MAP4K5: variants seen among roughly 807,000 people sequenced by gnomAD.
The protein encoded by MAP4K5 is MAPK/ERK kinase kinase kinase 5.
A neutral mutation model predicts 135.6 loss-of-function variants in MAP4K5; 82 were observed. The observed-to-expected ratio is 0.60, with a 90% CI of 0.51 to 0.73. The LOEUF (loss-of-function observed/expected upper bound fraction) is 0.73, where lower values mean the gene tolerates loss of function less well. Among genes scored for constraint, MAP4K5 ranks in the 30% least tolerant of loss-of-function variants. The pLI is 0.00. For missense variants in MAP4K5, 907 were observed against 1,010.9 expected (o/e 0.90, Z 1.39); for synonymous variants, 347 against 335.0 (o/e 1.04, Z -0.39).
At chr14:50,482,280 G>T in intron 6 of MAP4K5, 81 bp downstream of exon 6, 1 of 723,026 alleles carries the variant, frequency 1.4e-6, no homozygotes, top group Non-Finnish European at 2.2e-6. Flanking sequence ...GTTATCAATT[G>T]TCAGGCAATT....
chr14:50,542,002 G>A (rs1232978189), intron 2 of MAP4K5, among the ~76,000 whole-genome samples: 4 of 75,758 alleles, frequency 5.3e-5, no homozygotes, highest in Non-Finnish European at 8.9e-5. Context: ...GCGAGATTCC[G>A]TCTCAAAAAA....
chr14:50,460,904 G>A lies in MAP4K5; in HGVS notation c.936+1761C>T, dbSNP rs553011736. On this transcript the variant is annotated intron_variant, in intron 13 of 32. Transcript: ENST00000682126. Reference sequence around the variant, plus strand: ...AAATTACTTTCATTTTTTGTCCCTCGTTTCCTCATTTATAAAACAGTATAA... The same window carrying A: ...AAATTACTTTCATTTTTTGTCCCTCATTTCCTCATTTATAAAACAGTATAA... Among the ~76,000 whole-genome samples the A allele has an allele frequency of 4.6e-5, 7 of 152,104 alleles. No individual in the cohort carries two copies. In the South Asian group the frequency reaches 1.5e-3, roughly 32 times the overall value.
chr14:50,439,674 C>A (rs1315229345), intron 23 of MAP4K5, among the ~76,000 whole-genome samples: 1 of 152,132 alleles, frequency 6.6e-6, no homozygotes, highest in African/African-American at 2.4e-5. Context: ...TAGTGTGATC[C>A]TCTGCTTCTT....
chr14:50,431,604 A>G (rs988031588), intron 28 of MAP4K5, among the ~76,000 whole-genome samples: 3 of 152,152 alleles, frequency 2.0e-5, no homozygotes, highest in Non-Finnish European at 2.9e-5. Context: ...ATGGCTGCAC[A>G]GTATTCCATG....
At chr14:50,523,939 C>T (rs1285330993) in intron 2 of MAP4K5, among the ~76,000 whole-genome samples, 1 of 152,212 alleles carries the variant, frequency 6.6e-6, no homozygotes, top group African/African-American at 2.4e-5. Flanking sequence ...AGTGGAACAA[C>T]TAGGACTGGA....
chr14:50,558,520 AT>A (rs1212324623), intron 1 of MAP4K5, among the ~76,000 whole-genome samples: 1 of 152,196 alleles, frequency 6.6e-6, no homozygotes, highest in African/African-American at 2.4e-5. Flanking sequence ...TTATTTAAGC[AT>A]TTTTTTGTGA....
chr14:50,499,679 T>C (rs1356817380), intron 3 of MAP4K5, among the ~76,000 whole-genome samples: 4 of 149,392 alleles, frequency 2.7e-5, no homozygotes, highest in South Asian at 4.2e-4. Context: ...AAGTCACTGA[T>C]ATGGAAGACT....
intron 6 of MAP4K5, among the ~76,000 whole-genome samples, chr14:50,477,980 G>C (rs1345583113): frequency 6.6e-6 from 1 of 151,986 alleles, no homozygotes; most frequent in Non-Finnish European, 1.5e-5. Flanking sequence ...AAATGATTCG[G>C]GAGTTATTTC....
rs113495247 is a variant in MAP4K5 at position 50,550,636 on chromosome 14, T to C, written c.-179-8052A>G. On this transcript the variant is annotated intron_variant, in intron 1 of 8. Transcript: ENST00000555216. The stretch of plus-strand genomic sequence containing the variant: ...CCAGTGCAATGGAGACTAAAAGATA[T>C]GTGCCCTTAGGCCACAAAACAAGTC... Among the ~76,000 whole-genome samples the C allele has an allele frequency of 9.0e-3, 1,372 of 152,324 alleles. 5 individuals are homozygous for C. Among genetic ancestry groups the C allele is most frequent in the Admixed American group, 0.014 (210 of 15,300 alleles).
chr14:50,541,105 G>A (rs2038555034), intron 2 of MAP4K5, among the ~76,000 whole-genome samples: 1 of 152,162 alleles, frequency 6.6e-6, no homozygotes, highest in Non-Finnish European at 1.5e-5. Flanking sequence ...CTAGAAAGTA[G>A]CTTTCTTTTC....
At position 50,434,465 on chromosome 14, in the gene MAP4K5, G is replaced by A. The variant is rs1454505667; in HGVS notation, c.2093C>T (p.Ser698Leu). Residue 698 changes from serine to leucine, a missense_variant, in exon 28 of 33, where the codon TCG becomes TTG. By Grantham distance (145) the Ser-to-Leu change is moderately radical (BLOSUM62 -2). Transcript: ENST00000682126. ...TGTCTCAAACTGAACTACCTGATTC[G>A]ATTCAGTGCCTTTGCTAATAGCTAC... ...VCVAISKGTE[S>L]NQVVQFETIN... 3.7e-6 allele frequency: 6 copies of A among 1,609,176 alleles called. No individual in the cohort carries two copies. The highest frequency in any genetic ancestry group is 2.2e-5 in the East Asian group (1 of 44,750).
At position 50,479,818 on chromosome 14, in the gene MAP4K5, C is replaced by A. The variant is rs796461118; in HGVS notation, c.378+2543G>T. ...CAATACTCTGAAGCACTCTCCAATA[C>A]TCTACCTTAAATACTCTAACTGGCT... is the stretch of plus-strand genomic sequence containing the variant. On this transcript the variant is annotated intron_variant, in intron 6 of 32. Transcript: ENST00000682126. Among the ~76,000 whole-genome samples, 14 of 152,262 alleles carry A rather than the reference C, an allele frequency of 9.2e-5. 1 individual carries two copies. Among genetic ancestry groups the A allele is most frequent in the African/African-American group, 3.1e-4 (13 of 41,556 alleles).
intron 14 of MAP4K5, among the ~76,000 whole-genome samples, chr14:50,454,647 T>G (rs2036561054): frequency 6.6e-6 from 1 of 152,074 alleles, no homozygotes; most frequent in South Asian, 2.1e-4. Flanking sequence ...ACTTACTCTA[T>G]GAGGATATTA....
At position 50,506,308 on chromosome 14, in the gene MAP4K5, T is replaced by A. The variant is rs185318680; in HGVS notation, c.109-1451A>T. ...AAAAGAATAGAATGGGGGAGAGATA[T>A]ACAGAGGAAAAGACACAAACAGAAA... On this transcript the variant is annotated intron_variant, in intron 2 of 32. Transcript: ENST00000682126. 2.4e-4 allele frequency among the ~76,000 whole-genome samples: 36 copies of A among 152,200 alleles called. No individual in the cohort carries two copies. In the East Asian group the frequency reaches 5.8e-3, roughly 24 times the overall value.
chr14:50,476,334 A>G, intron 6 of MAP4K5, 28 bp from the exon 7 acceptor site: 1 of 1,192,816 alleles, frequency 8.4e-7, no homozygotes, highest in Non-Finnish European at 1.1e-6. Context: ...AAAAAAAAGA[A>G]TGTATCAGCA....
At chr14:50,460,367 G>C (rs928350453) in intron 13 of MAP4K5, among the ~76,000 whole-genome samples, 1 of 152,156 alleles carries the variant, frequency 6.6e-6, no homozygotes, top group Non-Finnish European at 1.5e-5. Flanking sequence ...GAACTGAAAA[G>C]TATGGTGACA....
intron 2 of MAP4K5, among the ~76,000 whole-genome samples, chr14:50,518,485 C>T (rs1037040560): frequency 3.9e-5 from 6 of 152,270 alleles, no homozygotes; most frequent in African/African-American, 1.4e-4. Context: ...TAAGCGAGAA[C>T]ATGCGGTGCA....
At position 50,504,807 on chromosome 14, in the gene MAP4K5, C is replaced by A; in HGVS notation, c.159G>T (p.Leu53Phe). 1 of 1,555,968 alleles carries A rather than the reference C, an allele frequency of 6.4e-7. No individual in the cohort carries two copies. The highest frequency in any genetic ancestry group is 1.2e-5 in the South Asian group (1 of 83,620). The stretch of plus-strand genomic sequence containing the variant: ...GAGGGTTTTAACACATACCAGGCTC[C>A]AATTTAATGATTTTTACTGCAGCCA... ...GELAAVKIIKLEPGDDFSLIQ... is the reference protein window; with the variant it reads ...GELAAVKIIKFEPGDDFSLIQ... Residue 53 changes from leucine to phenylalanine, a missense_variant, in exon 3 of 33, where the codon TTG becomes TTT. By Grantham distance (22) the Leu-to-Phe change is conservative. This residue lies in a region of MAP4K5 where 196 missense variants were observed against 189.3 expected (regional missense o/e 1.04). Transcript: ENST00000682126.
At chr14:50,514,360 G>A (rs1426474797) in intron 2 of MAP4K5, among the ~76,000 whole-genome samples, 1 of 152,164 alleles carries the variant, frequency 6.6e-6, no homozygotes, top group East Asian at 1.9e-4. Flanking sequence ...TGGGATTACA[G>A]GCGTGAGCCA....
Sources: gnomAD v4.1 joint callset for allele counts (sites outside exome capture counted in the v4.1 genomes callset) on GRCh38, gnomAD v4.1.1 for gene constraint, gnomAD v4.1.1 regional missense constraint, MANE v1.5 for transcripts, NCBI Gene and HGNC (gene_info 2026-07-23, HGNC 2026-07-21) for gene names.